The following PRKG1 variants were observed in gnomAD, a reference collection of about 807,000 sequenced individuals.
PRKG1 encodes the protein cGMP-dependent protein kinase 1.
A neutral mutation model predicts 88.1 loss-of-function variants in PRKG1; 35 were observed. The observed-to-expected ratio is 0.40, with a 90% CI of 0.30 to 0.53. The LOEUF (loss-of-function observed/expected upper bound fraction) is 0.53. Among genes scored for constraint, PRKG1 ranks in the 20% least tolerant of loss-of-function variants. PRKG1 has a pLI of 0.59. For synonymous variants in PRKG1, 303 were observed against 292.5 expected (o/e 1.04, Z -0.37); for missense variants, 540 against 839.8 (o/e 0.64, Z 4.41).
At chr10:51,293,367 A>G (rs1394052641) in intron 2 of PRKG1, among the ~76,000 whole-genome samples, 1 of 152,044 alleles carries the variant, frequency 6.6e-6, no homozygotes, top group African/African-American at 2.4e-5. Flanking sequence ...GGCCAATAAC[A>G]CTTCATTTCC....
chr10:51,502,252 G>A (rs1050863897), intron 3 of PRKG1, among the ~76,000 whole-genome samples: 1 of 152,008 alleles, frequency 6.6e-6, no homozygotes, highest in Non-Finnish European at 1.5e-5. Context: ...ATACATGCCA[G>A]GGAGGTGTAG....
intron 2 of PRKG1, among the ~76,000 whole-genome samples, chr10:51,302,331 C>T (rs1840911646): frequency 6.6e-6 from 1 of 152,084 alleles, no homozygotes; most frequent in Non-Finnish European, 1.5e-5. Flanking sequence ...GAATTATTCC[C>T]TGTAAAATAT....
intron 7 of PRKG1, among the ~76,000 whole-genome samples, chr10:52,122,523 CA>C (rs1474499942): frequency 6.6e-6 from 1 of 152,110 alleles, no homozygotes; most frequent in Non-Finnish European, 1.5e-5. Context: ...TATGTTAATT[CA>C]TATTATTTTA....
intron 2 of PRKG1, among the ~76,000 whole-genome samples, chr10:51,404,964 G>A (rs1837864718): frequency 6.6e-6 from 1 of 151,610 alleles, no homozygotes; most frequent in African/African-American, 2.4e-5. Context: ...CGTGATTAAG[G>A]AAAAAAAATC....
intron 1 of PRKG1, among the ~76,000 whole-genome samples, chr10:51,009,498 C>G (rs971662241): frequency 1.3e-5 from 2 of 152,078 alleles, no homozygotes; most frequent in African/African-American, 4.8e-5. Context: ...TTGAGGATTT[C>G]TGTTATGGTA....
At chr10:51,705,680 T>C (rs1841587751) in intron 3 of PRKG1, among the ~76,000 whole-genome samples, 1 of 152,218 alleles carries the variant, frequency 6.6e-6, no homozygotes, top group Non-Finnish European at 1.5e-5. Context: ...ATTTTATTCT[T>C]TCTGCAACCT....
In PRKG1 at chr10:50,991,384, C is replaced by A; in HGVS notation, c.6C>A (p.Ser2Arg). ...CGGAGGGGCTCAGTGAAAAAATGAG[C>A]GAGCTAGAGGAAGACTTTGCCAAGA... is the stretch of plus-strand genomic sequence containing the variant. The change falls in exon 1 of 18, where the codon AGC (serine) becomes AGA (arginine). Residue 2 changes from serine (S) to arginine (R), a missense_variant. Ser to Arg is a moderately radical substitution (Grantham distance 110). Coordinates refer to the PRKG1 transcript ENST00000401604. The surrounding 1 kb of genome is among the most constrained non-coding windows in gnomAD (Gnocchi z 4.5). 6.5e-7 allele frequency: 1 copy of A among 1,530,532 alleles called. No homozygotes were observed. Among genetic ancestry groups the A allele is most frequent in the Non-Finnish European group, 8.8e-7 (1 of 1,138,642 alleles). The allele number at this position is 1,530,532 out of a possible 1,614,324, so 94.8% of individuals were successfully genotyped here. A position where few individuals can be genotyped will look rare whatever the true frequency, so the allele number is the denominator to read the frequency against.
In PRKG1 at chr10:52,290,286, C is replaced by T; in HGVS notation, c.1958C>T (p.Pro653Leu). The T allele has an allele frequency of 6.2e-7, 1 of 1,607,538 alleles. No individual in the cohort carries two copies. Among genetic ancestry groups the T allele is most frequent in the Non-Finnish European group, 8.5e-7 (1 of 1,174,644 alleles). Residue 653 changes from proline to leucine, a missense_variant, in exon 17 of 18, where the codon CCA (proline) becomes CTA (leucine). Coordinates refer to ENST00000373980, the MANE Select transcript of PRKG1 (RefSeq NM_006258.4). ...GGTACCTTGACACCTCCTATAATACCAAGTGTAAGTAGACTTTCCAGCTTA... is the reference window on the plus strand; with the variant it reads ...GGTACCTTGACACCTCCTATAATACTAAGTGTAAGTAGACTTTCCAGCTTA... ...RKGTLTPPII[P>L]SVASPTDTSN...
chr10:52,051,651 G>T (rs548351062), intron 5 of PRKG1, among the ~76,000 whole-genome samples: 2 of 152,302 alleles, frequency 1.3e-5, no homozygotes, highest in East Asian at 3.9e-4. Flanking sequence ...GAGCCAGCTA[G>T]TCTTCCCAAA....
At chr10:52,135,248 G>A (rs1286279723) in intron 8 of PRKG1, among the ~76,000 whole-genome samples, 5 of 152,004 alleles carry the variant, frequency 3.3e-5, no homozygotes, top group South Asian at 2.1e-4. Flanking sequence ...ATGATGACTA[G>A]TGTAAGAATT....
At chr10:51,316,682 C>CA (rs2132500121) in intron 2 of PRKG1, among the ~76,000 whole-genome samples, 1 of 132,300 alleles carries the variant, frequency 7.6e-6, no homozygotes, top group Admixed American at 7.5e-5. Flanking sequence ...GACTCCGTCT[C>CA]AAAAAATAAA....
chr10:51,164,144 C>T (rs1222917457), intron 2 of PRKG1, among the ~76,000 whole-genome samples: 2 of 152,158 alleles, frequency 1.3e-5, no homozygotes, highest in African/African-American at 2.4e-5. Flanking sequence ...TGGGAGGCAC[C>T]CCCCAGTAGG....
At chr10:51,784,782 AT>A (rs1838686376) in intron 3 of PRKG1, among the ~76,000 whole-genome samples, 1 of 152,132 alleles carries the variant, frequency 6.6e-6, no homozygotes, top group East Asian at 1.9e-4. Context: ...CTATGGTTTC[AT>A]TAGTGTCAAT....
intron 1 of PRKG1, among the ~76,000 whole-genome samples, chr10:51,036,996 A>T (rs1220613927): frequency 2.6e-5 from 4 of 152,162 alleles, no homozygotes; most frequent in African/African-American, 4.8e-5. Flanking sequence ...ACAAATTCTA[A>T]ATTTTCTGGA....
intron 2 of PRKG1, among the ~76,000 whole-genome samples, chr10:51,224,513 G>C (rs1173935653): frequency 6.6e-6 from 1 of 152,134 alleles, no homozygotes; most frequent in Non-Finnish European, 1.5e-5. Flanking sequence ...ATTTTTCCCA[G>C]GTGGCACAAT....
At chr10:51,652,502 A>C (rs970431487) in intron 3 of PRKG1, among the ~76,000 whole-genome samples, 8 of 152,058 alleles carry the variant, frequency 5.3e-5, no homozygotes, top group African/African-American at 1.4e-4. Flanking sequence ...TGGAGGGAAC[A>C]TCAAGAAAGA....
intron 1 of PRKG1, among the ~76,000 whole-genome samples, chr10:51,044,153 C>A (rs987799580): frequency 2.6e-5 from 4 of 152,054 alleles, no homozygotes; most frequent in African/African-American, 9.7e-5. Context: ...ATGAGAAGAC[C>A]AACACACTCA....
At chr10:51,639,217 G>A (rs539918022) in intron 3 of PRKG1, among the ~76,000 whole-genome samples, 6 of 151,966 alleles carry the variant, frequency 3.9e-5, no homozygotes, top group East Asian at 3.9e-4. Context: ...GGCGGATAAC[G>A]AGGTGAGGAG....
intron 3 of PRKG1, 40 bp from the exon 4 acceptor site, chr10:51,804,545 T>A: frequency 7.2e-7 from 1 of 1,383,258 alleles, no homozygotes; most frequent in East Asian, 2.3e-5. Flanking sequence ...AATTCTCTGA[T>A]TAATTTTTCC....
Sources: gnomAD v4.1 joint callset for allele counts (sites outside exome capture counted in the v4.1 genomes callset) on GRCh38, gnomAD v4.1.1 for gene constraint, Gnocchi (gnomAD v3.1) non-coding constraint, MANE v1.5 for transcripts, NCBI Gene and HGNC (gene_info 2026-07-23, HGNC 2026-07-21) for gene names.